Variants in MDN1 observed in about 807,000 individuals in gnomAD.
MDN1 encodes midasin.
A neutral mutation model predicts 669.2 loss-of-function variants in MDN1; 266 were observed. The observed-to-expected ratio is 0.40, with a 90% CI of 0.36 to 0.44. MDN1 has a LOEUF of 0.44. MDN1 is among the 20% of genes least tolerant of loss of function. The pLI, the probability that MDN1 is intolerant of heterozygous loss-of-function variation, is 1.00. For missense variants in MDN1, 5,940 were observed against 6,754.0 expected (o/e 0.88, Z 4.22); for synonymous variants, 2,385 against 2,457.1 (o/e 0.97, Z 0.87).
chr6:89,732,817 G>A (rs757768616), intron 33 of MDN1, 42 bp from the exon 34 acceptor site: 2 of 1,583,956 alleles, frequency 1.3e-6, no homozygotes, highest in South Asian at 2.3e-5. Context: ...GTTAACGGGA[G>A]ATCCCAGAAC....
Position 89,738,453 on chromosome 6 carries a change from C to G in MDN1, c.4596G>C (p.Leu1532=). 2 of 1,613,688 alleles carry G rather than the reference C, an allele frequency of 1.2e-6. No homozygotes were observed. The highest frequency in any genetic ancestry group is 1.7e-6 in the Non-Finnish European group (2 of 1,179,860). Residue 1532 remains leucine, a splice_region_variant and synonymous_variant, in exon 33 of 102, where the codon CTG becomes CTC. Coordinates refer to ENST00000369393, the MANE Select transcript of MDN1 (RefSeq NM_014611.3). ...NPGGDFGKKE[L]SPALRNRFTE... is the part of the protein sequence containing the mutation. Reference sequence around the variant, plus strand: ...TAAACCGGTTTCTTAAGGCAGGAGACAGCTATAAGAAACACAAAACTTCAA... The same window carrying G: ...TAAACCGGTTTCTTAAGGCAGGAGAGAGCTATAAGAAACACAAAACTTCAA...
intron 37 of MDN1, 77 bp from the exon 38 acceptor site, chr6:89,725,473 A>G: frequency 1.7e-6 from 2 of 1,172,466 alleles, no homozygotes; most frequent in Non-Finnish European, 2.5e-6. Flanking sequence ...AATAATATGC[A>G]GCAAATAAAG....
chr6:89,772,770 T>A, intron 13 of MDN1, 49 bp from the exon 14 acceptor site: 1 of 1,593,604 alleles, frequency 6.3e-7, no homozygotes, highest in Non-Finnish European at 8.6e-7. Context: ...AAGCTTCTCC[T>A]AGTTTTGCTC....
chr6:89,723,872 C>T (rs565336286), intron 38 of MDN1, among the ~76,000 whole-genome samples: 11 of 152,150 alleles, frequency 7.2e-5, no homozygotes, highest in Admixed American at 4.6e-4. Context: ...AGGCCCAGTG[C>T]GGTGGCTCAC....
At position 89,695,478 on chromosome 6, in the gene MDN1, A is replaced by G; in HGVS notation, c.9771+127T>C. The G allele has an allele frequency of 6.4e-6, 8 of 1,242,276 alleles. No homozygotes were observed. The highest frequency in any genetic ancestry group is 8.9e-6 in the Non-Finnish European group (8 of 899,664). 77.0% of individuals were successfully genotyped at this position (1,242,276 alleles called of 1,614,324 possible). On this transcript the variant is annotated intron_variant, in intron 61 of 101. Coordinates refer to ENST00000369393, the MANE Select transcript of MDN1 (RefSeq NM_014611.3). The surrounding 1 kb of genome is among the most constrained non-coding windows in gnomAD (Gnocchi z 4.1). ...TAAAACAGACTCCTGGGAAGTCATAAGGCAACTTATGCAATATCATGCTTG... is the reference window on the plus strand; with the variant it reads ...TAAAACAGACTCCTGGGAAGTCATAGGGCAACTTATGCAATATCATGCTTG...
At chr6:89,761,852 T>C in intron 16 of MDN1, 104 bp from the exon 17 acceptor site, 2 of 812,286 alleles carry the variant, frequency 2.5e-6, no homozygotes, top group South Asian at 3.6e-5. Flanking sequence ...TTAAGCATCT[T>C]ACACAAAACA....
intron 84 of MDN1, among the ~76,000 whole-genome samples, chr6:89,664,851 T>A (rs373588383): frequency 1.3e-5 from 2 of 152,180 alleles, no homozygotes; most frequent in East Asian, 3.8e-4. Context: ...TTATTGGGAA[T>A]TGTAAAAATA....
At chr6:89,763,729 C>A (rs2128321253) in intron 15 of MDN1, among the ~76,000 whole-genome samples, 1 of 152,246 alleles carries the variant, frequency 6.6e-6, no homozygotes, top group South Asian at 2.1e-4. Flanking sequence ...TGATGGATTA[C>A]TGCTGACTCA....
intron 40 of MDN1, among the ~76,000 whole-genome samples, chr6:89,722,643 G>A (rs934180986): frequency 4.6e-5 from 7 of 152,158 alleles, no homozygotes; most frequent in African/African-American, 1.7e-4. Context: ...GAATTCAGGA[G>A]TAGAGATCTG....
chr6:89,745,652 G>C lies in MDN1; in HGVS notation c.3905-26C>G, dbSNP rs1415326223. On this transcript the variant is annotated intron_variant, in intron 27 of 101. Transcript: ENST00000369393. Reference sequence around the variant, plus strand: ...CTGGGAGGAGGAGGAGGAAAAGGAGGAGAGGAATCATCAAGTGTCTACCGG... The same window carrying C: ...CTGGGAGGAGGAGGAGGAAAAGGAGCAGAGGAATCATCAAGTGTCTACCGG... The C allele has an allele frequency of 2.5e-6, 4 of 1,607,128 alleles. No homozygotes were observed. The East Asian group carries it at 8.9e-5, about 36-fold the overall frequency.
intron 94 of MDN1, 136 bp downstream of exon 94, chr6:89,652,856 T>A (rs1808980661): frequency 1.1e-6 from 1 of 885,020 alleles, no homozygotes; most frequent in Non-Finnish European, 1.7e-6. Flanking sequence ...CTAAAAATTT[T>A]GAATAAGAAC....
At chr6:89,656,659 A>G (rs752952591) in intron 91 of MDN1, 41 bp downstream of exon 91, 35 of 1,399,064 alleles carry the variant, frequency 2.5e-5, no homozygotes, top group Non-Finnish European at 3.4e-5. Flanking sequence ...CTTTTTCTAC[A>G]TGCTGCCTTC....
In MDN1 at chr6:89,693,086, G is replaced by A. The variant is rs138771967; in HGVS notation, c.9944C>T (p.Ala3315Val). Residue 3315 changes from alanine (A) to valine (V), a missense_variant, in exon 63 of 102, where the codon GCC (alanine) becomes GTC (valine). Transcript: ENST00000369393. Reference protein sequence around the residue: ...NLTCHLLKKQAFRPQLPAYES... With the variant: ...NLTCHLLKKQVFRPQLPAYES... ...GTAGGCAGGCAGCTGGGGTCTAAAG[G>A]CCTGTTTCTTCAACAGGTGACAGGT... 4.3e-6 allele frequency: 7 copies of A among 1,613,442 alleles called. No homozygotes were observed. The African/African-American group carries it at 6.7e-5, about 15-fold the overall frequency.
At chr6:89,815,381 T>C in intron 1 of MDN1, 1 of 428,988 alleles carries the variant, frequency 2.3e-6, no homozygotes, top group Non-Finnish European at 4.6e-6. Flanking sequence ...CTCTCATTCA[T>C]GACTGAGGAA....
At chr6:89,739,306 C>G (rs1816164914) in intron 32 of MDN1, among the ~76,000 whole-genome samples, 1 of 152,158 alleles carries the variant, frequency 6.6e-6, no homozygotes. Flanking sequence ...GACAGCCAAG[C>G]TAATATACAC....
intron 25 of MDN1, 41 bp from the exon 26 acceptor site, chr6:89,749,410 T>A: frequency 6.2e-7 from 1 of 1,605,016 alleles, no homozygotes; most frequent in Non-Finnish European, 8.5e-7. Flanking sequence ...AGGTGCCTTT[T>A]AATTTCCAAT....
At chr6:89,784,245 G>A (rs371435075) in intron 9 of MDN1, among the ~76,000 whole-genome samples, 8 of 152,164 alleles carry the variant, frequency 5.3e-5, no homozygotes, top group Admixed American at 3.3e-4. Flanking sequence ...TGAACCAGGA[G>A]GCAGAGATTG....
At position 89,650,062 on chromosome 6, in the gene MDN1, C is replaced by T; in HGVS notation, c.16168G>A (p.Asp5390Asn). 1 of 1,614,092 alleles carries T rather than the reference C, an allele frequency of 6.2e-7. No individual in the cohort carries two copies. The highest frequency in any genetic ancestry group is 8.5e-7 in the Non-Finnish European group (1 of 1,180,022). ...KRQYQICLAI[D>N]DSSSMVDNHT... ...TTGTCTACCATACTAGAAGAGTCAT[C>T]GATAGCCAAACAAATCTGATACTGG... The change falls in exon 97 of 102, where the codon GAT becomes AAT. Residue 5390 changes from aspartate (D) to asparagine (N), a missense_variant. Around this residue, in one of 5 missense-constraint regions of MDN1, gnomAD observed 2,280 missense variants for 2,576.3 expected, o/e 0.88. Transcript: ENST00000369393.
chr6:89,674,705 A>G (rs1811065251), intron 78 of MDN1, 116 bp from the exon 79 acceptor site: 2 of 1,369,708 alleles, frequency 1.5e-6, no homozygotes, highest in South Asian at 1.5e-5. Flanking sequence ...CATACAGTCA[A>G]GAAGGAAGAA....
Sources: allele counts gnomAD v4.1 joint callset (sites outside exome capture counted in the v4.1 genomes callset), GRCh38; gene constraint gnomAD v4.1.1; regional missense constraint gnomAD v4.1.1; non-coding constraint Gnocchi (gnomAD v3.1); transcripts MANE v1.5; gene names NCBI Gene and HGNC (gene_info 2026-07-23, HGNC 2026-07-21).